CTDSPL: variants seen among roughly 807,000 people sequenced by gnomAD.
CTDSPL encodes the protein CTD small phosphatase like.
CTDSPL carries 8 observed loss-of-function variants against 30.5 expected under a neutral mutation model. The observed-to-expected ratio is 0.26, with a 90% CI of 0.15 to 0.47. The LOEUF (loss-of-function observed/expected upper bound fraction) is 0.47. CTDSPL is among the 20% of genes least tolerant of loss of function. CTDSPL has a pLI of 0.99. For synonymous variants in CTDSPL, 110 were observed against 137.9 expected (o/e 0.80, Z 1.42); for missense variants, 248 against 366.1 (o/e 0.68, Z 2.63).
intron 3 of CTDSPL, among the ~76,000 whole-genome samples, chr3:37,960,495 A>T (rs1378413601): frequency 1.3e-4 from 8 of 60,390 alleles, no homozygotes; most frequent in South Asian, 6.2e-4. Context: ...AAAAAAAAAA[A>T]AAAAAAAAAA....
chr3:37,935,966 G>T (rs1206232667), intron 1 of CTDSPL, among the ~76,000 whole-genome samples: 2 of 152,140 alleles, frequency 1.3e-5, no homozygotes, highest in African/African-American at 4.8e-5. Flanking sequence ...AAATGGGTTG[G>T]TCATGTCAGT....
intron 1 of CTDSPL, among the ~76,000 whole-genome samples, chr3:37,904,135 G>C (rs920436100): frequency 6.8e-6 from 1 of 147,864 alleles, no homozygotes; most frequent in Non-Finnish European, 1.5e-5. Flanking sequence ...TGGGCTGGCT[G>C]CCTGTCAGAC....
At chr3:37,955,883 G>A (rs180796763) in intron 2 of CTDSPL, among the ~76,000 whole-genome samples, 7 of 152,178 alleles carry the variant, frequency 4.6e-5, no homozygotes, top group Non-Finnish European at 8.8e-5. Flanking sequence ...AAGTATGTCT[G>A]TAGGGGCAGT....
intron 1 of CTDSPL, among the ~76,000 whole-genome samples, chr3:37,908,134 A>G (rs1213864648): frequency 2.0e-5 from 3 of 152,244 alleles, no homozygotes; most frequent in African/African-American, 7.2e-5. Flanking sequence ...GAAACACAGC[A>G]CAAACGCTGC....
Position 37,980,934 on chromosome 3 carries a change from C to G in CTDSPL, c.*67C>G. 6.5e-7 allele frequency: 1 copy of G among 1,543,914 alleles called. No individual in the cohort carries two copies. Among genetic ancestry groups the G allele is most frequent in the Non-Finnish European group, 8.8e-7 (1 of 1,135,522 alleles). ...TCTGGCCTCAGGGGACCTGCCTGTC[C>G]TCAGCTCCCTGGGAGCTGAAAGTGA... On this transcript the variant is annotated 3_prime_UTR_variant, in exon 8 of 8. Transcript: ENST00000273179.
At chr3:37,911,835 G>C (rs1698586821) in intron 1 of CTDSPL, 1 of 409,018 alleles carries the variant, frequency 2.4e-6, no homozygotes, top group Non-Finnish European at 5.0e-6. Context: ...AAGGTGGGTG[G>C]ATCACTTGAG....
At chr3:37,922,783 G>A (rs1387529626) in intron 1 of CTDSPL, among the ~76,000 whole-genome samples, 1 of 152,222 alleles carries the variant, frequency 6.6e-6, no homozygotes, top group Non-Finnish European at 1.5e-5. Context: ...TGGGAACACA[G>A]CTGAGTCACC....
At chr3:37,966,291 A>T (rs1368931217) in intron 4 of CTDSPL, among the ~76,000 whole-genome samples, 3 of 152,242 alleles carry the variant, frequency 2.0e-5, no homozygotes, top group Non-Finnish European at 4.4e-5. Flanking sequence ...TATGGTTTTT[A>T]AAGTTCTGGG....
At chr3:37,881,128 T>G (rs997384672) in intron 1 of CTDSPL, among the ~76,000 whole-genome samples, 2 of 152,054 alleles carry the variant, frequency 1.3e-5, no homozygotes, top group Non-Finnish European at 2.9e-5. Flanking sequence ...AACCTGGTGC[T>G]CATTTTCTAG....
At chr3:37,947,035 T>C in intron 1 of CTDSPL, 22 bp from the exon 2 acceptor site, 1 of 1,608,988 alleles carries the variant, frequency 6.2e-7, no homozygotes, top group Non-Finnish European at 8.5e-7. Context: ...TTGGCCATAG[T>C]GTGCTCTGTT....
intron 1 of CTDSPL, among the ~76,000 whole-genome samples, chr3:37,920,409 C>T (rs556175360): frequency 3.5e-4 from 53 of 152,314 alleles, no homozygotes; most frequent in African/African-American, 1.0e-3. Flanking sequence ...TGAGCTGCTG[C>T]GACTGCATTA....
At chr3:37,971,376 C>A in intron 5 of CTDSPL, 31 bp from the exon 6 acceptor site, 2 of 1,603,628 alleles carry the variant, frequency 1.2e-6, no homozygotes, top group Non-Finnish European at 1.7e-6. Context: ...ACTGCCACAT[C>A]TGACCAGCCT....
chr3:37,910,224 A>C (rs1698566494), intron 1 of CTDSPL, among the ~76,000 whole-genome samples: 1 of 152,228 alleles, frequency 6.6e-6, no homozygotes. Context: ...TTACACCTGT[A>C]ATCCCAGCAC....
At chr3:37,879,070 G>GAGGGCCGGGCGC (rs1698171542) in intron 1 of CTDSPL, among the ~76,000 whole-genome samples, 1 of 152,030 alleles carries the variant, frequency 6.6e-6, no homozygotes, top group South Asian at 2.1e-4. Flanking sequence ...ACAAAGAAGT[G>GAGGGCCGGGCGC]GTTACACTAC....
intron 1 of CTDSPL, among the ~76,000 whole-genome samples, chr3:37,910,222 G>A (rs1267732078): frequency 6.6e-6 from 1 of 152,212 alleles, no homozygotes; most frequent in Non-Finnish European, 1.5e-5. Context: ...GCTTACACCT[G>A]TAATCCCAGC....
At chr3:37,911,554 A>G (rs1698582983) in intron 1 of CTDSPL, 5 of 406,776 alleles carry the variant, frequency 1.2e-5, no homozygotes, top group Non-Finnish European at 2.5e-5. Context: ...TGAATTAGCT[A>G]TAGAGTAGCT....
chr3:37,891,744 A>C (rs1055691110), intron 1 of CTDSPL, among the ~76,000 whole-genome samples: 1 of 152,190 alleles, frequency 6.6e-6, no homozygotes, highest in Non-Finnish European at 1.5e-5. Context: ...AACAATAAAA[A>C]ATTTTTAAAA....
At chr3:37,938,304 G>T (rs534641330) in intron 1 of CTDSPL, among the ~76,000 whole-genome samples, 1 of 150,208 alleles carries the variant, frequency 6.7e-6, no homozygotes, top group East Asian at 2.0e-4. Context: ...GAAGCCAGGG[G>T]TTAAGGATGG....
At chr3:37,865,855 G>C (rs893692810) in intron 1 of CTDSPL, among the ~76,000 whole-genome samples, 7 of 152,048 alleles carry the variant, frequency 4.6e-5, no homozygotes, top group Admixed American at 2.0e-4. Flanking sequence ...TGTTTAATTG[G>C]CCAGAACCAG....
Sources: allele counts gnomAD v4.1 joint callset (sites outside exome capture counted in the v4.1 genomes callset), GRCh38; gene constraint gnomAD v4.1.1; transcripts MANE v1.5; gene names NCBI Gene and HGNC (gene_info 2026-07-23, HGNC 2026-07-21).